Variants in TFF2 observed in about 807,000 individuals in gnomAD.
The protein encoded by TFF2 is trefoil factor 2.
In TFF2, 19 loss-of-function variants were observed where a neutral mutation model predicts 16.0. That is an observed-to-expected ratio of 1.19 (90% CI 0.83 to 1.74). The LOEUF (loss-of-function observed/expected upper bound fraction) is 1.74, where lower values mean the gene tolerates loss of function less well. Among genes scored for constraint, TFF2 ranks in the 40% most tolerant of loss-of-function variants. The pLI is 0.00. For synonymous variants in TFF2, 61 were observed against 65.4 expected (o/e 0.93, Z 0.32); for missense variants, 168 against 166.8 (o/e 1.01, Z -0.04).
chr21:42,349,021 AAACCTGGGCTAGCCCCAGACTAACC>A (rs1307932620), intron 2 of TFF2, among the ~76,000 whole-genome samples: 5 of 134,828 alleles, frequency 3.7e-5, no homozygotes, highest in African/African-American at 5.7e-5. Context: ...CCAGACTAAC[AAACCTGGGCTAGCCCCAGACTAACC>A]AACCTGGGCT....
At chr21:42,348,043 G>A (rs1833048793) in intron 2 of TFF2, among the ~76,000 whole-genome samples, 1 of 152,226 alleles carries the variant, frequency 6.6e-6, no homozygotes, top group African/African-American at 2.4e-5. Flanking sequence ...GAAAGCGTTT[G>A]GACATGGTAT....
At chr21:42,348,179 A>G (rs2052083972) in intron 2 of TFF2, among the ~76,000 whole-genome samples, 1 of 152,162 alleles carries the variant, frequency 6.6e-6, no homozygotes, top group South Asian at 2.1e-4. Flanking sequence ...TCTCCAGAGG[A>G]CGTGCCTGGT....
chr21:42,346,495 C>G lies in TFF2; in HGVS notation c.*38G>C, dbSNP rs1183896956. On this transcript the variant is annotated 3_prime_UTR_variant, in exon 4 of 4. Transcript: ENST00000291526. Reference sequence around the variant, plus strand: ...AAGTTTCTTCTTTGGTTTCGGAACACCCGGTGAGCCAGATGCATCCTCTGG... The same window carrying G: ...AAGTTTCTTCTTTGGTTTCGGAACAGCCGGTGAGCCAGATGCATCCTCTGG... 1 of 1,612,828 alleles carries G rather than the reference C, an allele frequency of 6.2e-7. No homozygotes were observed. The highest frequency in any genetic ancestry group is 8.5e-7 in the Non-Finnish European group (1 of 1,179,554).
intron 2 of TFF2, among the ~76,000 whole-genome samples, chr21:42,348,085 G>A (rs1168817813): frequency 6.6e-6 from 1 of 152,182 alleles, no homozygotes; most frequent in East Asian, 1.9e-4. Context: ...TTCAGTGGGC[G>A]CTCGTGAACA....
chr21:42,347,415 C>G, intron 3 of TFF2, 71 bp downstream of exon 3: 1 of 1,598,828 alleles, frequency 6.3e-7, no homozygotes, highest in Non-Finnish European at 8.5e-7. Context: ...CCTCCCTGCA[C>G]CCCACCTCTA....
chr21:42,347,890 C>T (rs917291402), intron 2 of TFF2, among the ~76,000 whole-genome samples: 6 of 152,190 alleles, frequency 3.9e-5, no homozygotes, highest in African/African-American at 1.4e-4. Flanking sequence ...AGGTGGGGCC[C>T]ATGTGGGGTG....
At chr21:42,349,559 C>T (rs34138227) in intron 2 of TFF2, among the ~76,000 whole-genome samples, 76,389 of 137,582 alleles carry the variant, frequency 0.56, 21,632 homozygotes, top group African/African-American at 0.66. Context: ...CCCAGACTAA[C>T]CAACCTGCGC....
chr21:42,350,717 T>G (rs2052110144), intron 1 of TFF2, among the ~76,000 whole-genome samples, 162 bp downstream of exon 1: 1 of 152,188 alleles, frequency 6.6e-6, no homozygotes, highest in Non-Finnish European at 1.5e-5. Flanking sequence ...AGGCCCTTCT[T>G]GGAGCCACCC....
chr21:42,347,218 C>G (rs2052075379), intron 3 of TFF2, among the ~76,000 whole-genome samples: 1 of 152,232 alleles, frequency 6.6e-6, no homozygotes, highest in Non-Finnish European at 1.5e-5. Context: ...CGTTGCAACA[C>G]CTGGGGAGGC....
At position 42,349,880 on chromosome 21, in the gene TFF2, C is replaced by T. The variant is rs779730030; in HGVS notation, c.229+1G>A. 3.1e-6 allele frequency: 5 copies of T among 1,592,312 alleles called. No homozygotes were observed. Among genetic ancestry groups the T allele is most frequent in the Admixed American group, 1.8e-5 (1 of 57,128 alleles). On this transcript the variant is annotated splice_donor_variant, in intron 2 of 3. Coordinates refer to ENST00000291526, the MANE Select transcript of TFF2 (RefSeq NM_005423.5). LOFTEE classifies it high-confidence loss of function. ...CCCAGGAAGATTCCCTGGAAGATTA[C>T]CTTGCTTTGGGAGGGGGTGGAAACA...
Position 42,346,485 on chromosome 21 carries a change from T to C in TFF2, c.*48A>G. On this transcript the variant is annotated 3_prime_UTR_variant, in exon 4 of 4. Transcript: ENST00000291526. ...TGATAAGGCGAAGTTTCTTCTTTGG[T>C]TTCGGAACACCCGGTGAGCCAGATG... is the stretch of plus-strand genomic sequence containing the variant. 6.2e-7 allele frequency: 1 copy of C among 1,612,472 alleles called. No homozygotes were observed. Among genetic ancestry groups the C allele is most frequent in the South Asian group, 1.1e-5 (1 of 90,796 alleles).
intron 1 of TFF2, 55 bp downstream of exon 1, chr21:42,350,824 T>G (rs2052111214): frequency 6.5e-7 from 1 of 1,540,358 alleles, no homozygotes; most frequent in East Asian, 2.3e-5. Flanking sequence ...GTGCTTTTTT[T>G]TTTTCTTTAA....
intron 3 of TFF2, among the ~76,000 whole-genome samples, chr21:42,347,010 C>A (rs1406089427): frequency 2.6e-5 from 4 of 152,190 alleles, no homozygotes; most frequent in Non-Finnish European, 5.9e-5. Context: ...GCCGGCGGGA[C>A]CCTCCCGGGA....
chr21:42,347,816 C>G (rs976577484), intron 2 of TFF2, among the ~76,000 whole-genome samples, 184 bp from the exon 3 acceptor site: 1 of 151,644 alleles, frequency 6.6e-6, no homozygotes, highest in Non-Finnish European at 1.5e-5. Flanking sequence ...CCCCTGGGAC[C>G]GCCTCCCCCG....
At chr21:42,350,235 A>C in intron 1 of TFF2, 1 of 1,217,608 alleles carries the variant, frequency 8.2e-7, no homozygotes, top group South Asian at 3.0e-5. Context: ...TAAAAGGAAA[A>C]AAAAAAAAAA....
At chr21:42,350,418 A>C (rs1397201684) in intron 1 of TFF2, 1 of 183,628 alleles carries the variant, frequency 5.4e-6, no homozygotes, top group Admixed American at 5.9e-5. Flanking sequence ...CTGTGGTTTC[A>C]GCTACTCAGG....
chr21:42,348,903 ACTACCTCTAGACTAGCAGTCCTCTAGG>A lies in TFF2; in HGVS notation c.229+951_229+977del, dbSNP rs549928116. ...ACTAACCAACCTGGGCTAGCCCTAG[ACTACCTCTAGACTAGCAGTCCTCTAGG>A]CTACCTCTAGACTAGCAGTCCAGGC... is the stretch of plus-strand genomic sequence containing the variant. On this transcript the variant is annotated intron_variant, in intron 2 of 3. Coordinates refer to ENST00000291526, the MANE Select transcript of TFF2 (RefSeq NM_005423.5). Among the ~76,000 whole-genome samples, 160 of 151,464 alleles carry A rather than the reference ACTACCTCTAGACTAGCAGTCCTCTAGG, an allele frequency of 1.1e-3. 1 individual carries two copies. The highest frequency in any genetic ancestry group is 3.7e-3 in the African/African-American group (153 of 41,264).
rs2052104077 is a variant in TFF2 at position 42,350,041 on chromosome 21, A to T, written c.80-11T>A. ...AGCACTGGCAGGGGGCTGTGGAAAG[A>T]CCCTCAGTCGGCCCCACCCTGGTAC... On this transcript the variant is annotated splice_polypyrimidine_tract_variant and intron_variant, in intron 1 of 3. Transcript: ENST00000291526. 6.3e-7 allele frequency: 1 copy of T among 1,591,440 alleles called. No homozygotes were observed. The highest frequency in any genetic ancestry group is 1.1e-5 in the South Asian group (1 of 87,578).
At chr21:42,348,898 C>A (rs910914693) in intron 2 of TFF2, among the ~76,000 whole-genome samples, 29 of 147,592 alleles carry the variant, frequency 2.0e-4, no homozygotes, top group Non-Finnish European at 3.6e-4. Flanking sequence ...CTGGGCTAGC[C>A]CTAGACTACC....
Sources: allele counts gnomAD v4.1 joint callset (sites outside exome capture counted in the v4.1 genomes callset), GRCh38; gene constraint gnomAD v4.1.1; transcripts MANE v1.5; gene names NCBI Gene and HGNC (gene_info 2026-07-23, HGNC 2026-07-21).